CSMD1: variants seen among roughly 807,000 people sequenced by gnomAD.
The protein encoded by CSMD1 is CUB and Sushi multiple domains 1.
CSMD1 carries 213 observed loss-of-function variants against 417.5 expected under a neutral mutation model. That is an observed-to-expected ratio of 0.51 (90% CI 0.46 to 0.57). The LOEUF is 0.57. CSMD1 is among the 20% of genes least tolerant of loss of function. CSMD1 has a pLI of 0.00. For synonymous variants in CSMD1, 2,862 were observed against 1,736.8 expected, an observed-to-expected ratio of 1.65 and a Z score of -16.11; for missense variants, 6,923 against 4,529.7, an observed-to-expected ratio of 1.53 and a Z score of -15.17.
intron 23 of CSMD1, among the ~76,000 whole-genome samples, chr8:3,337,219 C>G (rs1366245473): frequency 2.6e-5 from 4 of 152,194 alleles, no homozygotes; most frequent in Non-Finnish European, 2.9e-5. Flanking sequence ...TTACTTATCT[C>G]AAAGTCTAGA....
At chr8:4,620,553 A>G (rs181329275) in intron 2 of CSMD1, among the ~76,000 whole-genome samples, 18 of 151,966 alleles carry the variant, frequency 1.2e-4, no homozygotes, top group Admixed American at 9.2e-4. Context: ...TAAAAATTGC[A>G]CAGAGTATAT....
At chr8:3,201,289 G>A (rs1205019437) in intron 32 of CSMD1, among the ~76,000 whole-genome samples, 1 of 152,094 alleles carries the variant, frequency 6.6e-6, no homozygotes, top group African/African-American at 2.4e-5. Flanking sequence ...CAGAAGGAAG[G>A]TTAAGACACA....
At chr8:3,949,440 C>A (rs1563243939) in intron 5 of CSMD1, among the ~76,000 whole-genome samples, 1 of 152,078 alleles carries the variant, frequency 6.6e-6, no homozygotes, top group East Asian at 1.9e-4. Context: ...GAAGCTCTAA[C>A]AATTTAAGGA....
intron 4 of CSMD1, among the ~76,000 whole-genome samples, chr8:4,027,564 A>G (rs1047943834): frequency 2.0e-5 from 3 of 152,170 alleles, no homozygotes; most frequent in Admixed American, 1.3e-4. Context: ...GCCTTCCATC[A>G]TAACTGCATG....
chr8:3,214,308 A>G (rs2116816684), intron 30 of CSMD1, among the ~76,000 whole-genome samples, 189 bp downstream of exon 30: 1 of 152,326 alleles, frequency 6.6e-6, no homozygotes, highest in East Asian at 1.9e-4. Flanking sequence ...GAAACCTATG[A>G]GAATGGCTAA....
At chr8:4,016,481 A>G (rs942788983) in intron 4 of CSMD1, among the ~76,000 whole-genome samples, 8 of 152,110 alleles carry the variant, frequency 5.3e-5, no homozygotes, top group African/African-American at 1.9e-4. Flanking sequence ...CCAAGAATGC[A>G]AGCTTCCTGG....
chr8:3,760,776 G>A (rs1366584478), intron 5 of CSMD1, among the ~76,000 whole-genome samples: 2 of 152,152 alleles, frequency 1.3e-5, no homozygotes, highest in South Asian at 2.1e-4. Flanking sequence ...ATGTCTGGGG[G>A]TCCCTCTGCA....
intron 26 of CSMD1, 95 bp downstream of exon 26, chr8:3,284,049 G>T: frequency 9.6e-7 from 1 of 1,037,362 alleles, no homozygotes; most frequent in African/African-American, 1.6e-5. Context: ...TTGCATCTGT[G>T]TAAGGAGACG....
At chr8:4,984,643 T>C (rs904183219) in intron 1 of CSMD1, among the ~76,000 whole-genome samples, 1 of 152,026 alleles carries the variant, frequency 6.6e-6, no homozygotes, top group African/African-American at 2.4e-5. Context: ...GTCATAGCCT[T>C]TTGTAAAGGG....
intron 1 of CSMD1, among the ~76,000 whole-genome samples, chr8:4,921,591 T>A (rs1356770823): frequency 6.6e-6 from 1 of 152,184 alleles, no homozygotes; most frequent in Non-Finnish European, 1.5e-5. Flanking sequence ...ACAATGCATA[T>A]TTTCCAAAAT....
At chr8:3,443,736 G>T (rs950451525) in intron 12 of CSMD1, among the ~76,000 whole-genome samples, 2 of 152,186 alleles carry the variant, frequency 1.3e-5, no homozygotes, top group African/African-American at 4.8e-5. Flanking sequence ...TGTGAATCTA[G>T]CAATGGACAG....
chr8:4,276,427 G>C (rs1796491506), intron 3 of CSMD1, among the ~76,000 whole-genome samples: 2 of 152,158 alleles, frequency 1.3e-5, no homozygotes, highest in African/African-American at 4.8e-5. Flanking sequence ...TGAACAATGA[G>C]GACTCATGGA....
At position 3,832,371 on chromosome 8, in the gene CSMD1, T is replaced by C. The variant is rs78982002; in HGVS notation, c.819-78329A>G. Among the ~76,000 whole-genome samples, 324 of 152,326 alleles carry C rather than the reference T, an allele frequency of 2.1e-3. 16 individuals are homozygous for C. The East Asian group carries it at 0.052, about 24-fold the overall frequency. ...ATCTCCTGTCTAAAATATTTAGTTT[T>C]TTCTGGTGACATTTTCTCAATTGAA... On this transcript the variant is annotated intron_variant, in intron 5 of 69. Transcript: ENST00000635120.
intron 11 of CSMD1, among the ~76,000 whole-genome samples, chr8:3,486,195 A>C (rs763393328): frequency 3.9e-5 from 6 of 152,206 alleles, no homozygotes; most frequent in African/African-American, 1.4e-4. Context: ...ATGTTTTATT[A>C]TATTAAGACA....
At chr8:3,827,631 T>C (rs543796305) in intron 5 of CSMD1, among the ~76,000 whole-genome samples, 1 of 152,218 alleles carries the variant, frequency 6.6e-6, no homozygotes, top group Non-Finnish European at 1.5e-5. Context: ...AATCTTTCTA[T>C]AAAAACCTCT....
chr8:3,233,758 A>G (rs1798988864), intron 26 of CSMD1, among the ~76,000 whole-genome samples: 1 of 152,162 alleles, frequency 6.6e-6, no homozygotes, highest in Non-Finnish European at 1.5e-5. Flanking sequence ...GTTCTGGGGA[A>G]CTTGACTTAT....
chr8:3,967,679 T>C (rs546315881), intron 5 of CSMD1, among the ~76,000 whole-genome samples: 22 of 152,164 alleles, frequency 1.4e-4, no homozygotes, highest in African/African-American at 4.8e-4. Flanking sequence ...CAATACGTGC[T>C]GGGGTGAGCT....
intron 3 of CSMD1, among the ~76,000 whole-genome samples, chr8:4,398,329 G>A (rs1350510094): frequency 6.6e-6 from 1 of 151,458 alleles, no homozygotes; most frequent in East Asian, 1.9e-4. Flanking sequence ...ATATTCGTTA[G>A]GACTGATAGC....
Position 4,438,275 on chromosome 8 carries a change from A to T in CSMD1, c.303-18210T>A, listed in dbSNP as rs1182078352. ...AGTGCAGTTCTTTAAGGTTGAAGAG[A>T]CCTGGGGCTTTCCTGAATGCTCATG... On this transcript the variant is annotated intron_variant, in intron 2 of 69. Transcript: ENST00000635120. Among the ~76,000 whole-genome samples, 4 of 152,256 alleles carry T rather than the reference A, an allele frequency of 2.6e-5. No homozygotes were observed. In the South Asian group the frequency reaches 6.2e-4, roughly 24 times the overall value.
Sources: allele counts gnomAD v4.1 joint callset (sites outside exome capture counted in the v4.1 genomes callset), GRCh38; gene constraint gnomAD v4.1.1; transcripts MANE v1.5; gene names NCBI Gene and HGNC (gene_info 2026-07-23, HGNC 2026-07-21).